The following NCAPD3 variants were observed in gnomAD, a reference collection of about 807,000 sequenced individuals.
NCAPD3 encodes the protein non-SMC condensin II complex subunit D3, also known as condensin-2 complex subunit D3.
NCAPD3 carries 105 observed loss-of-function variants against 182.9 expected under a neutral mutation model. The ratio of observed to expected loss-of-function variants is 0.57; its 90% CI spans 0.49 to 0.68. NCAPD3 has a LOEUF of 0.68. NCAPD3 is among the 30% of genes least tolerant of loss of function. The pLI is 0.00. For missense variants in NCAPD3, 1,944 were observed against 1,837.0 expected, an observed-to-expected ratio of 1.06 and a Z score of -1.07; for synonymous variants, 815 against 679.9, an observed-to-expected ratio of 1.20 and a Z score of -3.09.
intron 23 of NCAPD3, 74 bp from the exon 24 acceptor site, chr11:134,176,460 A>ACCCACCACGCGGTCTGTCCCCGG: frequency 7.9e-7 from 1 of 1,269,756 alleles, no homozygotes; most frequent in Non-Finnish European, 1.2e-6. Context: ...GCCACACCCC[A>ACCCACCACGCGGTCTGTCCCCGG]CCCACCACGC....
chr11:134,213,424 A>T (rs78145364), intron 3 of NCAPD3, among the ~76,000 whole-genome samples: 2,039 of 151,818 alleles, frequency 0.013, 102 homozygotes, highest in East Asian at 0.13. Context: ...GGTTCAAGCG[A>T]TTCTCCTGCC....
Position 134,206,715 on chromosome 11 carries a change from G to A in NCAPD3, c.900C>T (p.Phe300=). 4 of 1,608,796 alleles carry A rather than the reference G, an allele frequency of 2.5e-6. No homozygotes were observed. Among genetic ancestry groups the A allele is most frequent in the Non-Finnish European group, 3.4e-6 (4 of 1,178,074 alleles). ...TTAATATTACACTGAGCATTTGATG[G>A]AAAACACAACTGATGACCTAGAAGA... ...GEGDKVISCV[F]HQMLSVILML... Residue 300 remains phenylalanine (F), a synonymous_variant, in exon 8 of 35, where the codon TTC becomes TTT. Coordinates refer to ENST00000534548, the MANE Select transcript of NCAPD3 (RefSeq NM_015261.3).
Position 134,161,791 on chromosome 11 carries a change from T to A in NCAPD3, c.3674A>T (p.His1225Leu), listed in dbSNP as rs765588158. 3.8e-6 allele frequency: 6 copies of A among 1,559,178 alleles called. No individual in the cohort carries two copies. In the African/African-American group the frequency reaches 8.2e-5, roughly 21 times the overall value. ...NKIPALRELM[H>L]YLREVMQDYR... is the part of the protein sequence containing the mutation. ...AGGCTCCACCCTTACCCTGAGATAG[T>A]GCATGAGTTCCCGCAAAGCTGGGAT... is the stretch of plus-strand genomic sequence containing the variant. Residue 1225 changes from histidine to leucine, a missense_variant, in exon 28 of 35, where the codon CAC becomes CTC. By Grantham distance (99) the His-to-Leu change is moderately conservative. Around this residue, in one of 3 missense-constraint regions of NCAPD3, gnomAD observed 1,803 missense variants for 1,674.6 expected, o/e 1.08. Coordinates refer to ENST00000534548, the MANE Select transcript of NCAPD3 (RefSeq NM_015261.3).
chr11:134,218,309 TCC>T (rs1270166503), intron 2 of NCAPD3, among the ~76,000 whole-genome samples: 1 of 152,064 alleles, frequency 6.6e-6, no homozygotes, highest in African/African-American at 2.4e-5. Flanking sequence ...GACCCTGCAC[TCC>T]CTACATGTGA....
intron 7 of NCAPD3, among the ~76,000 whole-genome samples, chr11:134,207,613 C>G (rs1005716244): frequency 1.3e-5 from 2 of 151,700 alleles, no homozygotes; most frequent in Admixed American, 6.6e-5. Flanking sequence ...CATGGTGGCG[C>G]GCACCTGTAG....
intron 27 of NCAPD3, 35 bp downstream of exon 27, chr11:134,167,961 G>C (rs761293276): frequency 3.8e-6 from 6 of 1,598,608 alleles, no homozygotes; most frequent in Non-Finnish European, 5.1e-6. Flanking sequence ...ACACTCACTT[G>C]TGAGAAGATG....
chr11:134,221,147 C>T (rs1177786458), intron 1 of NCAPD3, among the ~76,000 whole-genome samples: 4 of 152,140 alleles, frequency 2.6e-5, no homozygotes, highest in African/African-American at 9.7e-5. Context: ...TTATTGGGCC[C>T]TTGGACAATC....
intron 7 of NCAPD3, 60 bp from the exon 8 acceptor site, chr11:134,206,792 T>C (rs1937623880): frequency 6.5e-7 from 1 of 1,538,596 alleles, no homozygotes; most frequent in Non-Finnish European, 8.8e-7. Flanking sequence ...GTCTCAGACA[T>C]AGTGATGCAG....
chr11:134,201,636 G>A (rs1332154524), intron 13 of NCAPD3, among the ~76,000 whole-genome samples: 1 of 152,194 alleles, frequency 6.6e-6, no homozygotes, highest in Non-Finnish European at 1.5e-5. Flanking sequence ...TATGAACAAT[G>A]CACTGGAAAC....
In NCAPD3 at chr11:134,192,763, A is replaced by T. The variant is rs751488098; in HGVS notation, c.1971T>A (p.Phe657Leu). 6.2e-7 allele frequency: 1 copy of T among 1,614,264 alleles called. No individual in the cohort carries two copies. The highest frequency in any genetic ancestry group is 1.1e-5 in the South Asian group (1 of 91,088). ...GGACCTGGCTGTCGTCCCCAGAGTG[A>T]AAATGACTGTGATGCCGGATGTTCT... ...LLQNIRHHSH[F>L]HSGDDSQVLA... The change falls in exon 16 of 35, where the codon TTT becomes TTA. Residue 657 changes from phenylalanine to leucine, a missense_variant. Transcript: ENST00000534548.
chr11:134,184,266 G>A (rs1944352890), intron 19 of NCAPD3, among the ~76,000 whole-genome samples: 1 of 152,230 alleles, frequency 6.6e-6, no homozygotes, highest in Admixed American at 6.5e-5. Flanking sequence ...CTGTTCTGGA[G>A]GGAACTTCCT....
At chr11:134,153,606 C>T (rs1943327544) in intron 32 of NCAPD3, 4 of 561,198 alleles carry the variant, frequency 7.1e-6, no homozygotes, top group African/African-American at 1.9e-5. Context: ...GGCCCCTGGG[C>T]CTCACTGTTC....
chr11:134,165,513 C>T (rs1210334041), intron 27 of NCAPD3, among the ~76,000 whole-genome samples: 1 of 131,014 alleles, frequency 7.6e-6, no homozygotes, highest in South Asian at 2.5e-4. Context: ...CTTACGGGAG[C>T]AGCACACTCA....
intron 16 of NCAPD3, among the ~76,000 whole-genome samples, chr11:134,190,895 C>A (rs1944510583): frequency 6.6e-6 from 1 of 152,196 alleles, no homozygotes; most frequent in South Asian, 2.1e-4. Flanking sequence ...AAGATTCTAA[C>A]TTGATGTGAA....
rs1003345599 is a variant in NCAPD3 at position 134,153,655 on chromosome 11, C to T, written c.4253-292G>A. 3.1e-5 allele frequency: 15 copies of T among 476,458 alleles called. No homozygotes were observed. In the East Asian group the frequency reaches 5.5e-4, roughly 18 times the overall value. The allele number at this position is 476,458 out of a possible 1,614,324, so 29.5% of individuals were successfully genotyped here. A position where few individuals can be genotyped will look rare whatever the true frequency, so the allele number is the denominator to read the frequency against. On this transcript the variant is annotated intron_variant, in intron 32 of 34. Coordinates refer to ENST00000534548, the MANE Select transcript of NCAPD3 (RefSeq NM_015261.3). ...CCCTCCCGCCGTCTTCCATCATTGC[C>T]CCTGTCCCGGTGACCGCCCTGTCCC... is the stretch of plus-strand genomic sequence containing the variant.
intron 28 of NCAPD3, among the ~76,000 whole-genome samples, chr11:134,160,380 G>C (rs1370213224): frequency 1.3e-5 from 2 of 152,088 alleles, no homozygotes; most frequent in East Asian, 1.9e-4. Context: ...GTAACTAACA[G>C]TTCTCTCTCT....
intron 27 of NCAPD3, among the ~76,000 whole-genome samples, chr11:134,162,548 G>A (rs577207119): frequency 1.3e-5 from 2 of 152,276 alleles, no homozygotes; most frequent in African/African-American, 2.4e-5. Context: ...TCCTGAAGCT[G>A]AAACTACTCT....
chr11:134,158,337 G>C lies in NCAPD3; in HGVS notation c.4026C>G (p.Pro1342=), dbSNP rs1167187880. 6.2e-7 allele frequency: 1 copy of C among 1,614,070 alleles called. No individual in the cohort carries two copies. The highest frequency in any genetic ancestry group is 2.2e-5 in the East Asian group (1 of 44,872). ...PETGPLQRLL[P]KARPMSLSTI... is the part of the protein sequence containing the mutation. ...CTCCAGGGGCTCTTTACCTGGCTTT[G>C]GGCAGCAACCTCTGCAATGGCCCTG... is the stretch of plus-strand genomic sequence containing the variant. Residue 1342 remains proline, a synonymous_variant, in exon 30 of 35, where the codon CCC becomes CCG. Coordinates refer to ENST00000534548, the MANE Select transcript of NCAPD3 (RefSeq NM_015261.3).
chr11:134,224,685 G>A (rs964808740), upstream of NCAPD3: 2 of 152,022 alleles, frequency 1.3e-5, no homozygotes, highest in African/African-American at 4.8e-5. Flanking sequence ...CCGCCGAAGC[G>A]CCTCGGTGCG....
Sources: allele counts gnomAD v4.1 joint callset (sites outside exome capture counted in the v4.1 genomes callset), GRCh38; gene constraint gnomAD v4.1.1; regional missense constraint gnomAD v4.1.1; transcripts MANE v1.5; gene names NCBI Gene and HGNC (gene_info 2026-07-23, HGNC 2026-07-21).